Variants in PRDX3 observed in about 807,000 individuals in gnomAD.
PRDX3 encodes thioredoxin-dependent peroxide reductase, mitochondrial.
A neutral mutation model predicts 30.4 loss-of-function variants in PRDX3; 20 were observed. That is an observed-to-expected ratio of 0.66 (90% CI 0.46 to 0.96). PRDX3 has a LOEUF of 0.96. Ranked by LOEUF, PRDX3 falls within the 40% of genes least tolerant of loss-of-function variation. The pLI, the probability that PRDX3 is intolerant of heterozygous loss-of-function variation, is 0.00. For synonymous variants in PRDX3, 124 were observed against 117.8 expected (o/e 1.05, Z -0.34); for missense variants, 322 against 318.3 (o/e 1.01, Z -0.09).
rs781054026 is a variant in PRDX3, at chr10:119,172,420, G to A, written c.513C>T (p.Asp171=). 4 of 1,614,118 alleles carry A rather than the reference G, an allele frequency of 2.5e-6. No individual in the cohort carries two copies. The highest frequency in any genetic ancestry group is 3.4e-6 in the Non-Finnish European group (4 of 1,179,956). The change falls in exon 5 of 7, where the codon GAC becomes GAT. Residue 171 remains aspartate (D), a synonymous_variant. Coordinates refer to ENST00000298510, the MANE Select transcript of PRDX3 (RefSeq NM_006793.5). ...CAGAACCTTCTAACAGCACACCGTA[G>A]TCTCGGGAAATCTGCTTAGTTAAGT... The part of the protein sequence containing the change: ...LSDLTKQISR[D]YGVLLEGSGL...
At position 119,169,210 on chromosome 10, in the gene PRDX3, G is replaced by A; in HGVS notation, c.684C>T (p.Val228=). 1 of 1,612,736 alleles carries A rather than the reference G, an allele frequency of 6.2e-7. No individual in the cohort carries two copies. Among genetic ancestry groups the A allele is most frequent in the Non-Finnish European group, 8.5e-7 (1 of 1,180,036 alleles). The part of the protein sequence containing the change: ...AFQYVETHGE[V]CPANWTPDSP... ...AATCCGGTGTCCAGTTCGCTGGGCA[G>A]ACTTCTCCATGTGTTTCTACATACT... is the stretch of plus-strand genomic sequence containing the variant. The change falls in exon 6 of 7, where the codon GTC becomes GTT. Residue 228 remains valine (V), a synonymous_variant. Coordinates refer to ENST00000298510, the MANE Select transcript of PRDX3 (RefSeq NM_006793.5).
chr10:119,178,070 C>T (rs904751553), intron 1 of PRDX3, among the ~76,000 whole-genome samples: 1 of 151,628 alleles, frequency 6.6e-6, no homozygotes, highest in Admixed American at 6.6e-5. Flanking sequence ...CTATTATTGT[C>T]CAGGCTGGTC....
intron 2 of PRDX3, among the ~76,000 whole-genome samples, chr10:119,175,622 C>A (rs1308329325): frequency 6.6e-6 from 1 of 152,074 alleles, no homozygotes; most frequent in Non-Finnish European, 1.5e-5. Context: ...GTCTCCATCT[C>A]CTGACCTCGT....
chr10:119,168,671 T>C lies in PRDX3; in HGVS notation c.718-138A>G, dbSNP rs1589658887. The C allele has an allele frequency of 6.2e-6, 9 of 1,457,482 alleles. No homozygotes were observed. The African/African-American group carries it at 1.0e-4, about 16-fold the overall frequency. 90.3% of individuals were successfully genotyped at this position (1,457,482 alleles called of 1,614,324 possible). On this transcript the variant is annotated intron_variant, in intron 6 of 6. Coordinates refer to ENST00000298510, the MANE Select transcript of PRDX3 (RefSeq NM_006793.5). ...TTCCTTTAAAACATAAAGATGAAAGTTTCATTAAGGCCTGCCTGTCTCTAG... is the reference window on the plus strand; with the variant it reads ...TTCCTTTAAAACATAAAGATGAAAGCTTCATTAAGGCCTGCCTGTCTCTAG...
In PRDX3 at chr10:119,178,808, G is replaced by A. The variant is rs1444425232; in HGVS notation, c.-18C>T. Reference sequence around the variant, plus strand: ...GCCGCCATCTTCAGTGCACTCGGGCGCCACGGGGCGGGCAGAGACGCAGGG... The same window carrying A: ...GCCGCCATCTTCAGTGCACTCGGGCACCACGGGGCGGGCAGAGACGCAGGG... On this transcript the variant is annotated 5_prime_UTR_variant, in exon 1 of 7. Transcript: ENST00000298510. The A allele has an allele frequency of 2.6e-6, 4 of 1,551,046 alleles. No individual in the cohort carries two copies. Among genetic ancestry groups the A allele is most frequent in the East Asian group, 2.4e-5 (1 of 41,002 alleles).
chr10:119,169,108 T>C, intron 6 of PRDX3, 69 bp downstream of exon 6: 1 of 1,539,546 alleles, frequency 6.5e-7, no homozygotes, highest in Non-Finnish European at 8.9e-7. Context: ...CTTTTGTGGA[T>C]ATTTCAGGTC....
intron 6 of PRDX3, 133 bp from the exon 7 acceptor site, chr10:119,168,666 G>T: frequency 1.4e-6 from 2 of 1,464,288 alleles, no homozygotes; most frequent in South Asian, 1.4e-5. Context: ...ACATAAAGAT[G>T]AAAGTTTCAT....
intron 5 of PRDX3, 76 bp from the exon 6 acceptor site, chr10:119,169,418 C>A: frequency 8.3e-7 from 1 of 1,202,148 alleles, no homozygotes; most frequent in South Asian, 1.5e-5. Flanking sequence ...CCTTTTAGGT[C>A]TTTAATTCTC....
chr10:119,172,932 TTTTA>T (rs1244089807), intron 4 of PRDX3, among the ~76,000 whole-genome samples: 1 of 151,782 alleles, frequency 6.6e-6, no homozygotes, highest in Non-Finnish European at 1.5e-5. Flanking sequence ...TTCTTTATTA[TTTTA>T]TTTATTTATT....
At position 119,169,341 on chromosome 10, in the gene PRDX3, C is replaced by T. The variant is rs376609971; in HGVS notation, c.553G>A (p.Gly185Ser). 22 of 1,613,212 alleles carry T rather than the reference C, an allele frequency of 1.4e-5. No individual in the cohort carries two copies. Among genetic ancestry groups the T allele is most frequent in the Non-Finnish European group, 1.6e-5 (19 of 1,179,576 alleles). The change falls in exon 6 of 7, where the codon GGT (glycine) becomes AGT (serine). Residue 185 changes from glycine to serine, a missense_variant and splice_region_variant. Physicochemically the swap from Gly to Ser is moderately conservative, Grantham distance 56. Transcript: ENST00000298510. Reference sequence around the variant, plus strand: ...CCATTGGGGTCAATTATGAAGAGACCTCTGCATGATCATTTATCCTCATCA... The same window carrying T: ...CCATTGGGGTCAATTATGAAGAGACTTCTGCATGATCATTTATCCTCATCA... ...LLEGSGLALR[G>S]LFIIDPNGVI...
In PRDX3 at chr10:119,178,717, A is replaced by G. The variant is rs111521112; in HGVS notation, c.36+38T>C. The G allele has an allele frequency of 4.3e-5, 67 of 1,549,040 alleles. 1 individual carries two copies. The African/African-American group carries it at 6.8e-4, about 16-fold the overall frequency. On this transcript the variant is annotated intron_variant, in intron 1 of 6. Transcript: ENST00000298510. The stretch of plus-strand genomic sequence containing the variant: ...TGAGAAGCACGTTCCCGGAGCCACC[A>G]GTGTCTCCACGCCTGTCCCCAGCCG...
rs1847815106 is a variant in PRDX3 at position 119,168,323 on chromosome 10, G to A, written c.*157C>T. 3 of 1,435,910 alleles carry A rather than the reference G, an allele frequency of 2.1e-6. No homozygotes were observed. The East Asian group carries it at 7.8e-5, about 37-fold the overall frequency. 88.9% of individuals were successfully genotyped at this position (1,435,910 alleles called of 1,614,324 possible). ...AACTAACCATGTTTAAAAGGTCTTA[G>A]CCAGAATTACAAAAACAAAACATTT... On this transcript the variant is annotated 3_prime_UTR_variant, in exon 7 of 7. Transcript: ENST00000298510.
chr10:119,174,268 C>A (rs1004422525), intron 3 of PRDX3, among the ~76,000 whole-genome samples, 183 bp downstream of exon 3: 3 of 152,166 alleles, frequency 2.0e-5, no homozygotes, highest in Non-Finnish European at 4.4e-5. Flanking sequence ...ACCCCACCCC[C>A]GAAGTTTATC....
chr10:119,174,330 T>C lies in PRDX3; in HGVS notation c.311+121A>G, dbSNP rs575059011. On this transcript the variant is annotated intron_variant, in intron 3 of 6. Transcript: ENST00000298510. ...CTGTAATCAACAAGGCCATCAGTGA[T>C]AAAGGGTCAGAAAGAATCCTTCCTT... is the stretch of plus-strand genomic sequence containing the variant. 6.4e-6 allele frequency: 8 copies of C among 1,253,676 alleles called. 1 individual carries two copies. In the South Asian group the frequency reaches 9.3e-5, roughly 14 times the overall value. 77.7% of individuals were successfully genotyped at this position (1,253,676 alleles called of 1,614,324 possible).
At chr10:119,178,196 G>C (rs941904207) in intron 1 of PRDX3, among the ~76,000 whole-genome samples, 2 of 152,102 alleles carry the variant, frequency 1.3e-5, no homozygotes, top group African/African-American at 4.8e-5. Context: ...AAATGACTCA[G>C]GAGAACGAAA....
In PRDX3 at chr10:119,169,224, T is replaced by C; in HGVS notation, c.670A>G (p.Thr224Ala). 6.2e-7 allele frequency: 1 copy of C among 1,613,070 alleles called. No individual in the cohort carries two copies. Among genetic ancestry groups the C allele is most frequent in the South Asian group, 1.1e-5 (1 of 91,028 alleles). ...TTCGCTGGGCAGACTTCTCCATGTG[T>C]TTCTACATACTGGAACGCCTTCACC... ...RLVKAFQYVE[T>A]HGEVCPANWT... The change falls in exon 6 of 7, where the codon ACA (threonine) becomes GCA (alanine). Residue 224 changes from threonine (T) to alanine (A), a missense_variant. By Grantham distance (58) the Thr-to-Ala change is moderately conservative (BLOSUM62 0). Coordinates refer to ENST00000298510, the MANE Select transcript of PRDX3 (RefSeq NM_006793.5).
chr10:119,176,252 G>C (rs1848023840), intron 2 of PRDX3, among the ~76,000 whole-genome samples: 1 of 152,326 alleles, frequency 6.6e-6, no homozygotes, highest in East Asian at 1.9e-4. Context: ...AACAGAAACA[G>C]GAGGCGCTGC....
At chr10:119,172,361 T>A in intron 5 of PRDX3, 21 bp downstream of exon 5, 1 of 1,551,894 alleles carries the variant, frequency 6.4e-7, no homozygotes, top group South Asian at 1.1e-5. Context: ...AATCTTAAGT[T>A]CATCAGAAAC....
intron 1 of PRDX3, 31 bp from the exon 2 acceptor site, chr10:119,177,184 T>C (rs1487851443): frequency 6.2e-7 from 1 of 1,610,394 alleles, no homozygotes; most frequent in African/African-American, 1.3e-5. Context: ...TTAGAAAGTT[T>C]TCCTGGACTG....
Sources: gnomAD v4.1 joint callset for allele counts (sites outside exome capture counted in the v4.1 genomes callset) on GRCh38, gnomAD v4.1.1 for gene constraint, MANE v1.5 for transcripts, NCBI Gene and HGNC (gene_info 2026-07-23, HGNC 2026-07-21) for gene names.